ADRA1A: variants seen among roughly 807,000 people sequenced by gnomAD.
The protein encoded by ADRA1A is alpha-1A adrenergic receptor.
In ADRA1A, 31 loss-of-function variants were observed where a neutral mutation model predicts 29.6. The observed-to-expected ratio is 1.05, with a 90% CI of 0.79 to 1.41. ADRA1A has a LOEUF of 1.41. Ranked by LOEUF, ADRA1A falls within the 40% of genes most tolerant of loss-of-function variation. The pLI is 0.00. For missense variants in ADRA1A, 619 were observed against 601.1 expected, an observed-to-expected ratio of 1.03 and a Z score of -0.31; for synonymous variants, 311 against 254.3, an observed-to-expected ratio of 1.22 and a Z score of -2.12.
downstream of ADRA1A, among the ~76,000 whole-genome samples, chr8:26,754,154 C>A (rs1012744915): frequency 6.6e-6 from 1 of 152,182 alleles, no homozygotes; most frequent in African/African-American, 2.4e-5. Flanking sequence ...ACAGCACATT[C>A]CAAGGATACT....
At position 26,769,048 on chromosome 8, in the gene ADRA1A, T is replaced by G; in HGVS notation, c.*1101A>C. 1 of 985,452 alleles carries G rather than the reference T, an allele frequency of 1.0e-6. No individual in the cohort carries two copies. Among genetic ancestry groups the G allele is most frequent in the African/African-American group, 1.7e-5 (1 of 57,382 alleles). The allele number at this position is 985,452 out of a possible 1,614,324, so 61.0% of individuals were successfully genotyped here. Reference sequence around the variant, plus strand: ...AGTATTTTTCAAAGTTCGGGAATAATGTACTTGGATCATAAGGCTCATTCC... The same window carrying G: ...AGTATTTTTCAAAGTTCGGGAATAAGGTACTTGGATCATAAGGCTCATTCC... On this transcript the variant is annotated 3_prime_UTR_variant, in exon 3 of 3. Coordinates refer to ENST00000380573, the MANE Select transcript of ADRA1A (RefSeq NM_000680.4).
chr8:26,754,541 T>C (rs7007101), downstream of ADRA1A, among the ~76,000 whole-genome samples: 22,046 of 151,952 alleles, frequency 0.15, 2,774 homozygotes, highest in East Asian at 0.33. Context: ...GCAGCTAAAA[T>C]CAGCCAGTCA....
In ADRA1A at chr8:26,864,905, T is replaced by C; in HGVS notation, c.65A>G (p.Asn22Ser). 1 of 1,613,686 alleles carries C rather than the reference T, an allele frequency of 6.2e-7. No homozygotes were observed. Among genetic ancestry groups the C allele is most frequent in the Non-Finnish European group, 8.5e-7 (1 of 1,179,986 alleles). ...SNCTQPPAPV[N>S]ISKAILLGVI... Reference sequence around the variant, plus strand: ...CCCGAGCAGAATGGCCTTGGAAATGTTCACCGGTGCCGGCGGTTGGGTGCA... The same window carrying C: ...CCCGAGCAGAATGGCCTTGGAAATGCTCACCGGTGCCGGCGGTTGGGTGCA... The change falls in exon 2 of 3, where the codon AAC becomes AGC. Residue 22 changes from asparagine (N) to serine (S), a missense_variant. Transcript: ENST00000380573. The surrounding 1 kb of genome is among the most constrained non-coding windows in gnomAD (Gnocchi z 8.1).
In ADRA1A at chr8:26,770,067, C is replaced by T; in HGVS notation, c.*82G>A. ...CCCTCTTTGATTGGTCCTGTCTTGT[C>T]CTCCAAGAAGAGCTGGCCTTCCGAG... On this transcript the variant is annotated 3_prime_UTR_variant, in exon 3 of 3. Transcript: ENST00000380573. 1 of 1,512,098 alleles carries T rather than the reference C, an allele frequency of 6.6e-7. No individual in the cohort carries two copies. The highest frequency in any genetic ancestry group is 8.8e-7 in the Non-Finnish European group (1 of 1,132,512). The allele number at this position is 1,512,098 out of a possible 1,614,324, so 93.7% of individuals were successfully genotyped here.
intron 2 of ADRA1A, among the ~76,000 whole-genome samples, chr8:26,839,592 G>A (rs1811668530): frequency 6.6e-6 from 1 of 152,188 alleles, no homozygotes; most frequent in South Asian, 2.1e-4. Context: ...GTCTGTTCCT[G>A]TCTGGCGCCT....
intron 2 of ADRA1A, among the ~76,000 whole-genome samples, chr8:26,807,576 T>C (rs1240578705): frequency 6.6e-6 from 1 of 152,162 alleles, no homozygotes; most frequent in Non-Finnish European, 1.5e-5. Flanking sequence ...GGGAGGACCA[T>C]AGCATGTTCA....
rs1382099977 is a variant in ADRA1A, at chr8:26,825,504, C to T, written c.883+38583G>A. Among the ~76,000 whole-genome samples the T allele has an allele frequency of 6.6e-6, 1 of 152,114 alleles. No homozygotes were observed. The highest frequency in any genetic ancestry group is 1.5e-5 in the Non-Finnish European group (1 of 68,020). On this transcript the variant is annotated intron_variant, in intron 2 of 2. Transcript: ENST00000380573. This position sits in a 1 kb window ranked among gnomAD's most constrained non-coding sequence, Gnocchi z 5.7. ...CTGGTCATCGTGGGGCTTCTCATCC[C>T]CTAAAGGCCATATTACCCCAACTTC...
chr8:26,865,548 C>A lies in ADRA1A; in HGVS notation c.-579G>T, dbSNP rs1434636437. ...TTACCTACATTTTGAGCTGCCCCAC[C>A]GAAGGCTCCTGCTCTCTCCAGCTTC... On this transcript the variant is annotated 5_prime_UTR_variant, in exon 2 of 3. Transcript: ENST00000380573. The surrounding 1 kb of genome is among the most constrained non-coding windows in gnomAD (Gnocchi z 7.6). The A allele has an allele frequency of 2.0e-6, 2 of 992,816 alleles. No homozygotes were observed. Among genetic ancestry groups the A allele is most frequent in the Non-Finnish European group, 2.4e-6 (2 of 834,506 alleles). The allele number at this position is 992,816 out of a possible 1,614,324, so 61.5% of individuals were successfully genotyped here.
chr8:26,798,771 A>C (rs1263057367), intron 2 of ADRA1A, among the ~76,000 whole-genome samples: 1 of 152,198 alleles, frequency 6.6e-6, no homozygotes, highest in African/African-American at 2.4e-5. Context: ...TTATTTCTAT[A>C]AGAAACACTT....
In ADRA1A at chr8:26,865,313, G is replaced by C; in HGVS notation, c.-344C>G. ...AGATCCAGGAGACTCCTTGCAACAT[G>C]CAATTCCAGAATTACGAGAATCTGC... On this transcript the variant is annotated 5_prime_UTR_variant, in exon 2 of 3. Coordinates refer to ENST00000380573, the MANE Select transcript of ADRA1A (RefSeq NM_000680.4). This position sits in a 1 kb window ranked among gnomAD's most constrained non-coding sequence, Gnocchi z 7.6. The C allele has an allele frequency of 8.9e-7, 1 of 1,126,662 alleles. No individual in the cohort carries two copies. The highest frequency in any genetic ancestry group is 1.1e-6 in the Non-Finnish European group (1 of 919,676). 69.8% of individuals were successfully genotyped at this position (1,126,662 alleles called of 1,614,324 possible).
chr8:26,764,796 G>A (rs1337201475), downstream of ADRA1A, among the ~76,000 whole-genome samples: 3 of 152,178 alleles, frequency 2.0e-5, no homozygotes, highest in Non-Finnish European at 4.4e-5. Context: ...TCTCTCTACT[G>A]CGTTTGAATG....
chr8:26,786,136 G>A (rs1351732409), intron 2 of ADRA1A, among the ~76,000 whole-genome samples: 1 of 152,118 alleles, frequency 6.6e-6, no homozygotes, highest in Admixed American at 6.6e-5. Context: ...ATGGGCCATA[G>A]GGCCATATGA....
At chr8:26,781,144 C>A (rs989712005) in intron 2 of ADRA1A, among the ~76,000 whole-genome samples, 1 of 152,132 alleles carries the variant, frequency 6.6e-6, no homozygotes, top group African/African-American at 2.4e-5. Flanking sequence ...GCTCTATAGC[C>A]CTTATCACCA....
intron 2 of ADRA1A, among the ~76,000 whole-genome samples, chr8:26,786,496 C>T (rs1318898598): frequency 1.3e-5 from 2 of 151,994 alleles, no homozygotes; most frequent in Non-Finnish European, 2.9e-5. Flanking sequence ...ATCTCCTGAC[C>T]TCAAATGATC....
At chr8:26,813,489 T>C (rs184305304) in intron 2 of ADRA1A, among the ~76,000 whole-genome samples, 172 of 149,934 alleles carry the variant, frequency 1.1e-3, no homozygotes, top group African/African-American at 4.0e-3. Flanking sequence ...CTCTTGCATC[T>C]ATCCATCCAT....
intron 2 of ADRA1A, among the ~76,000 whole-genome samples, chr8:26,846,721 G>A (rs1277762993): frequency 9.9e-5 from 15 of 152,162 alleles, no homozygotes; most frequent in East Asian, 7.7e-4. Context: ...GCAGTGAGCC[G>A]CGATCGCGCC....
chr8:26,771,392 A>G (rs1282993925), intron 2 of ADRA1A, among the ~76,000 whole-genome samples: 1 of 151,888 alleles, frequency 6.6e-6, no homozygotes, highest in Non-Finnish European at 1.5e-5. Context: ...CAGACTCACT[A>G]CACTTTTTCT....
chr8:26,766,191 G>T, downstream of ADRA1A: 2 of 1,251,394 alleles, frequency 1.6e-6, no homozygotes, highest in Non-Finnish European at 2.3e-6. Flanking sequence ...GTGAGTGAGA[G>T]TGAGTTATGT....
chr8:26,849,290 A>G (rs544902351), intron 2 of ADRA1A, among the ~76,000 whole-genome samples: 1 of 152,222 alleles, frequency 6.6e-6, no homozygotes, highest in Non-Finnish European at 1.5e-5. Context: ...ACTGCGACAC[A>G]CACAGGATCA....
Sources: allele counts gnomAD v4.1 joint callset (sites outside exome capture counted in the v4.1 genomes callset), GRCh38; gene constraint gnomAD v4.1.1; non-coding constraint Gnocchi (gnomAD v3.1); transcripts MANE v1.5; gene names NCBI Gene and HGNC (gene_info 2026-07-23, HGNC 2026-07-21).